ZKSCAN7: variants seen among roughly 807,000 people sequenced by gnomAD.
ZKSCAN7 encodes zinc finger with KRAB and SCAN domains 7, also known as zinc finger protein with KRAB and SCAN domains 7.
A neutral mutation model predicts 65.3 loss-of-function variants in ZKSCAN7; 38 were observed. That is an observed-to-expected ratio of 0.58 (90% CI 0.45 to 0.76). ZKSCAN7 has a LOEUF of 0.76. Ranked by LOEUF, ZKSCAN7 falls within the 30% of genes least tolerant of loss-of-function variation. ZKSCAN7 has a pLI of 0.00. For synonymous variants in ZKSCAN7, 321 were observed against 321.0 expected, an observed-to-expected ratio of 1.00 and a Z score of 0.00; for missense variants, 815 against 913.3, an observed-to-expected ratio of 0.89 and a Z score of 1.39.
At position 44,569,953 on chromosome 3, in the gene ZKSCAN7, G is replaced by A; in HGVS notation, c.843G>A (p.Leu281=). Residue 281 remains leucine (L), a synonymous_variant, in exon 6 of 6, where the codon TTG becomes TTA. Transcript: ENST00000426540. Reference sequence around the variant, plus strand: ...AGAACATGATGAAGGGTTCAGAGTTGACTCCAAAGCAGGAATTTTTTAAAG... The same window carrying A: ...AGAACATGATGAAGGGTTCAGAGTTAACTCCAAAGCAGGAATTTTTTAAAG... ...AGENMMKGSE[L]TPKQEFFKGS... The A allele has an allele frequency of 6.4e-7, 1 of 1,561,900 alleles. No homozygotes were observed. Among genetic ancestry groups the A allele is most frequent in the Non-Finnish European group, 8.6e-7 (1 of 1,158,732 alleles).
At chr3:44,558,577 C>T (rs998800996) in intron 2 of ZKSCAN7, among the ~76,000 whole-genome samples, 5 of 151,160 alleles carry the variant, frequency 3.3e-5, no homozygotes, top group Admixed American at 1.3e-4. Flanking sequence ...AAGTGGCTTA[C>T]GTAATTGTGA....
At chr3:44,564,486 G>A (rs968827835) in intron 2 of ZKSCAN7, among the ~76,000 whole-genome samples, 3 of 152,174 alleles carry the variant, frequency 2.0e-5, no homozygotes, top group African/African-American at 7.2e-5. Flanking sequence ...CTCACACTCT[G>A]TTGGGGAAAC....
At chr3:44,557,798 A>C (rs1699345221) in intron 2 of ZKSCAN7, among the ~76,000 whole-genome samples, 1 of 152,106 alleles carries the variant, frequency 6.6e-6, no homozygotes, top group East Asian at 1.9e-4. Context: ...GGGTATGCTG[A>C]TAATACGAGC....
chr3:44,558,966 T>C (rs898546262), intron 2 of ZKSCAN7, among the ~76,000 whole-genome samples: 1 of 151,726 alleles, frequency 6.6e-6, no homozygotes, highest in African/African-American at 2.4e-5. Context: ...TGTAGACATG[T>C]GGTCTTGTTA....
intron 2 of ZKSCAN7, among the ~76,000 whole-genome samples, chr3:44,558,573 C>T (rs1188861005): frequency 1.3e-5 from 2 of 151,384 alleles, no homozygotes; most frequent in Middle Eastern, 3.4e-3. Flanking sequence ...TAGTAAGTGG[C>T]TTACGTAATT....
downstream of ZKSCAN7, among the ~76,000 whole-genome samples, chr3:44,574,249 C>T (rs1369195900): frequency 6.6e-6 from 1 of 152,104 alleles, no homozygotes; most frequent in African/African-American, 2.4e-5. Context: ...GTAGCTTGGA[C>T]TACAGGTGCA....
Position 44,571,844 on chromosome 3 carries a change from C to A in ZKSCAN7, c.*469C>A. ...CTATAACTTTTCATCAGTTTTGTTC[C>A]CTATCTAGAAAACATTTTCTTCTGT... is the stretch of plus-strand genomic sequence containing the variant. On this transcript the variant is annotated 3_prime_UTR_variant, in exon 6 of 6. Transcript: ENST00000426540. 1.0e-6 allele frequency: 1 copy of A among 988,980 alleles called. No homozygotes were observed. The highest frequency in any genetic ancestry group is 1.2e-6 in the Non-Finnish European group (1 of 832,162). The allele number at this position is 988,980 out of a possible 1,614,324, so 61.3% of individuals were successfully genotyped here.
At chr3:44,582,693 A>G (rs544825496) in intron 5 of ZKSCAN7, among the ~76,000 whole-genome samples, 3 of 152,268 alleles carry the variant, frequency 2.0e-5, no homozygotes, top group African/African-American at 7.2e-5. Context: ...GCTGGAATCT[A>G]TTTTTAACAT....
downstream of ZKSCAN7, among the ~76,000 whole-genome samples, chr3:44,576,227 C>A (rs968118571): frequency 1.3e-5 from 2 of 152,138 alleles, no homozygotes; most frequent in Non-Finnish European, 2.9e-5. Flanking sequence ...CTGTAAGATT[C>A]TTTTCCTCTG....
At chr3:44,559,318 A>C (rs1271497624) in intron 2 of ZKSCAN7, among the ~76,000 whole-genome samples, 1 of 152,082 alleles carries the variant, frequency 6.6e-6, no homozygotes, top group African/African-American at 2.4e-5. Flanking sequence ...TGAGTTTCAA[A>C]TTGTTCCCCT....
intron 5 of ZKSCAN7, chr3:44,578,074 T>C: frequency 6.3e-7 from 1 of 1,590,104 alleles, no homozygotes; most frequent in Non-Finnish European, 8.6e-7. Context: ...GATTTCATTA[T>C]ATCATATCCG....
downstream of ZKSCAN7, among the ~76,000 whole-genome samples, chr3:44,575,778 A>G (rs1212268562): frequency 2.6e-5 from 4 of 152,128 alleles, no homozygotes; most frequent in African/African-American, 9.7e-5. Context: ...GGGTTTCTCC[A>G]TGCTGGTCAG....
downstream of ZKSCAN7, among the ~76,000 whole-genome samples, chr3:44,573,221 A>C (rs780837237): frequency 1.3e-5 from 2 of 152,166 alleles, no homozygotes; most frequent in Admixed American, 1.3e-4. Context: ...CACCCTTGCA[A>C]TATGGCCCAG....
At position 44,570,364 on chromosome 3, in the gene ZKSCAN7, G is replaced by A. The variant is rs1699764052; in HGVS notation, c.1254G>A (p.Lys418=). ...EKPYECNECG[K]TFRQTSQLIV... ...CCTATGAGTGTAATGAGTGTGGGAA[G>A]ACCTTCAGGCAAACCTCCCAGCTCA... Residue 418 remains lysine (K), a synonymous_variant, in exon 6 of 6, where the codon AAG becomes AAA. Transcript: ENST00000426540. 1.9e-6 allele frequency: 3 copies of A among 1,613,550 alleles called. No homozygotes were observed. The highest frequency in any genetic ancestry group is 8.5e-7 in the Non-Finnish European group (1 of 1,179,876).
chr3:44,579,034 AC>A (rs1428396246), intron 5 of ZKSCAN7, among the ~76,000 whole-genome samples: 12 of 151,894 alleles, frequency 7.9e-5, no homozygotes, highest in Non-Finnish European at 1.3e-4. Flanking sequence ...AGAGCCGGTC[AC>A]CCCCATCTTC....
chr3:44,559,300 C>A (rs1699395245), intron 2 of ZKSCAN7, among the ~76,000 whole-genome samples: 1 of 151,756 alleles, frequency 6.6e-6, no homozygotes, highest in East Asian at 1.9e-4. Flanking sequence ...TAAGTTAGTT[C>A]TTCCTAATGA....
At chr3:44,574,541 C>T (rs1210030155), downstream of ZKSCAN7, among the ~76,000 whole-genome samples, 2 of 152,082 alleles carry the variant, frequency 1.3e-5, no homozygotes, top group Non-Finnish European at 2.9e-5. Context: ...TTTTCATTTG[C>T]GTTCATTGTT....
At chr3:44,565,325 A>T (rs1004821681) in intron 2 of ZKSCAN7, among the ~76,000 whole-genome samples, 162 bp from the exon 3 acceptor site, 1 of 151,852 alleles carries the variant, frequency 6.6e-6, no homozygotes, top group African/African-American at 2.4e-5. Flanking sequence ...TTCTGCTTTC[A>T]CAGTTTTTTT....
chr3:44,561,325 C>G (rs999780154), intron 2 of ZKSCAN7, among the ~76,000 whole-genome samples: 1 of 151,132 alleles, frequency 6.6e-6, no homozygotes, highest in Admixed American at 6.6e-5. Context: ...TGAGAACCCA[C>G]AAGAACACCA....
Sources: gnomAD v4.1 joint callset for allele counts (sites outside exome capture counted in the v4.1 genomes callset) on GRCh38, gnomAD v4.1.1 for gene constraint, MANE v1.5 for transcripts, NCBI Gene and HGNC (gene_info 2026-07-23, HGNC 2026-07-21) for gene names.